USP40: variants seen among roughly 807,000 people sequenced by gnomAD.
USP40 encodes ubiquitin specific peptidase 40, also known as ubiquitin carboxyl-terminal hydrolase 40.
In USP40, 143 loss-of-function variants were observed where a neutral mutation model predicts 166.2. The ratio of observed to expected loss-of-function variants is 0.86; its 90% CI spans 0.75 to 0.99. The LOEUF (loss-of-function observed/expected upper bound fraction) is 0.99. Ranked by LOEUF, USP40 falls within the 50% of genes least tolerant of loss-of-function variation. The probability of loss-of-function intolerance (pLI) is 0.00; values close to 1 mark genes in which losing one functional copy is unlikely to be tolerated. For synonymous variants in USP40, 498 were observed against 524.0 expected, an observed-to-expected ratio of 0.95 and a Z score of 0.68; for missense variants, 1,444 against 1,479.7, an observed-to-expected ratio of 0.98 and a Z score of 0.40.
intron 18 of USP40, among the ~76,000 whole-genome samples, chr2:233,513,109 G>A (rs774757012): frequency 1.3e-5 from 2 of 152,114 alleles, no homozygotes; most frequent in Non-Finnish European, 2.9e-5. Flanking sequence ...ATAAAGAGTC[G>A]TTTAAGCAGG....
At chr2:233,527,734 C>G (rs2068142297) in intron 12 of USP40, among the ~76,000 whole-genome samples, 156 bp from the exon 13 acceptor site, 1 of 152,172 alleles carries the variant, frequency 6.6e-6, no homozygotes, top group South Asian at 2.1e-4. Flanking sequence ...TTTAATTTTT[C>G]AGTCAATAGC....
In USP40 at chr2:233,559,949, T is replaced by C. The variant is rs770794265; in HGVS notation, c.268-25A>G. 6 of 1,539,862 alleles carry C rather than the reference T, an allele frequency of 3.9e-6. No homozygotes were observed. The South Asian group carries it at 6.0e-5, about 15-fold the overall frequency. The stretch of plus-strand genomic sequence containing the variant: ...CCTGAATGAGAAACAAACACATTTC[T>C]AAATGAATTCTTTAAGTGTTGACTA... On this transcript the variant is annotated intron_variant, in intron 3 of 31. Coordinates refer to ENST00000678225, the MANE Select transcript of USP40 (RefSeq NM_001365479.2).
At chr2:233,498,174 C>T (rs2065856615) in intron 23 of USP40, among the ~76,000 whole-genome samples, 2 of 152,314 alleles carry the variant, frequency 1.3e-5, no homozygotes, top group African/African-American at 4.8e-5. Flanking sequence ...ATTCTGCCAC[C>T]ATTACCTTAC....
chr2:233,560,927 A>C (rs2071531617), intron 3 of USP40: 1 of 671,930 alleles, frequency 1.5e-6, no homozygotes, highest in Non-Finnish European at 2.7e-6. Flanking sequence ...TAAGCATAGT[A>C]AAGAGTGTTA....
chr2:233,518,369 C>G (rs1249358884), intron 18 of USP40, among the ~76,000 whole-genome samples: 2 of 150,138 alleles, frequency 1.3e-5, no homozygotes, highest in South Asian at 4.2e-4. Context: ...GAGTTTGAGA[C>G]CAGCCTGGCC....
Position 233,480,404 on chromosome 2 carries a change from G to A in USP40, c.3599+799C>T, listed in dbSNP as rs370513057. The stretch of plus-strand genomic sequence containing the variant: ...GAGGACGCCTGGGGGCCTCTGGTGA[G>A]GCCTGCATGGAGCTGATGCCACGGG... On this transcript the variant is annotated intron_variant, in intron 31 of 31. Coordinates refer to ENST00000678225, the MANE Select transcript of USP40 (RefSeq NM_001365479.2). The surrounding 1 kb of genome is among the most constrained non-coding windows in gnomAD (Gnocchi z 4.5). Among the ~76,000 whole-genome samples the A allele has an allele frequency of 6.6e-6, 1 of 152,242 alleles. No individual in the cohort carries two copies. Among genetic ancestry groups the A allele is most frequent in the East Asian group, 1.9e-4 (1 of 5,188 alleles).
chr2:233,519,586 G>C, intron 18 of USP40, 28 bp downstream of exon 18: 1 of 1,391,764 alleles, frequency 7.2e-7, no homozygotes, highest in Non-Finnish European at 9.9e-7. Flanking sequence ...GCTAAACTAA[G>C]AACCGAAAAG....
At chr2:233,477,695 T>TG (rs1353437235) in intron 31 of USP40, among the ~76,000 whole-genome samples, 192 bp from the exon 32 acceptor site, 4 of 152,254 alleles carry the variant, frequency 2.6e-5, no homozygotes. Flanking sequence ...CCAGGCCAGC[T>TG]GCCTTCCCCT....
Position 233,565,569 on chromosome 2 carries a change from C to T in USP40, c.-15G>A. ...TCCCCAAACATTGTGAAACTAAATA[C>T]TACCCTTAAAAAAAGTGACATATAA... On this transcript the variant is annotated 5_prime_UTR_variant, in exon 2 of 32. Transcript: ENST00000678225. 1 of 1,531,236 alleles carries T rather than the reference C, an allele frequency of 6.5e-7. No individual in the cohort carries two copies. The highest frequency in any genetic ancestry group is 8.7e-7 in the Non-Finnish European group (1 of 1,145,274). 94.9% of individuals were successfully genotyped at this position (1,531,236 alleles called of 1,614,324 possible).
At chr2:233,549,288 A>C (rs1039512339) in intron 7 of USP40, 59 bp from the exon 8 acceptor site, 1 of 1,079,538 alleles carries the variant, frequency 9.3e-7, no homozygotes, top group Non-Finnish European at 1.3e-6. Context: ...GATAATAATC[A>C]AAAGAAAAAA....
intron 18 of USP40, among the ~76,000 whole-genome samples, chr2:233,519,189 C>T (rs188469667): frequency 8.0e-4 from 122 of 152,244 alleles, no homozygotes; most frequent in Non-Finnish European, 1.6e-3. Flanking sequence ...TAGAACTCTA[C>T]ACATTTACTG....
intron 2 of USP40, 81 bp from the exon 3 acceptor site, chr2:233,562,884 T>G: frequency 9.4e-7 from 1 of 1,062,218 alleles, no homozygotes; most frequent in Non-Finnish European, 1.3e-6. Context: ...AGACCACCTT[T>G]AAGTAAAATC....
chr2:233,517,729 T>C (rs1427858393), intron 18 of USP40, among the ~76,000 whole-genome samples: 1 of 151,200 alleles, frequency 6.6e-6, no homozygotes, highest in Non-Finnish European at 1.5e-5. Context: ...AATTGCAAAA[T>C]CATGGAACCA....
At position 233,559,834 on chromosome 2, in the gene USP40, T is replaced by C; in HGVS notation, c.358A>G (p.Ser120Gly). Residue 120 changes from serine to glycine, a missense_variant, in exon 4 of 32, where the codon AGC (serine) becomes GGC (glycine). By Grantham distance (56) the Ser-to-Gly change is moderately conservative. Transcript: ENST00000678225. ...ACCTCATTACTGGTCCACCCAAAGC[T>C]GTCAGTGAGGTCTGCTGTGGATGCA... ...EAASTADLTD[S>G]FGWTSNEEMR... 1 of 1,609,568 alleles carries C rather than the reference T, an allele frequency of 6.2e-7. No individual in the cohort carries two copies. The highest frequency in any genetic ancestry group is 8.5e-7 in the Non-Finnish European group (1 of 1,178,036).
rs1481127567 is a variant in USP40 at position 233,485,541 on chromosome 2, A to G, written c.3494T>C (p.Ile1165Thr). 2 of 1,613,734 alleles carry G rather than the reference A, an allele frequency of 1.2e-6. No homozygotes were observed. Among genetic ancestry groups the G allele is most frequent in the African/African-American group, 1.3e-5 (1 of 75,046 alleles). ...TGTTAAACAACTTACCTTAACACCA[A>G]TAGTATCTCCGTCTTTCAAGTAATA... Reference protein sequence around the residue: ...APYYLKDGDTIGVKNLLIDDD... With the variant: ...APYYLKDGDTTGVKNLLIDDD... Residue 1165 changes from isoleucine to threonine, a missense_variant, in exon 30 of 32, where the codon ATT becomes ACT. Coordinates refer to ENST00000678225, the MANE Select transcript of USP40 (RefSeq NM_001365479.2).
At chr2:233,535,902 C>T (rs1057049056) in intron 10 of USP40, among the ~76,000 whole-genome samples, 1 of 151,920 alleles carries the variant, frequency 6.6e-6, no homozygotes, top group Non-Finnish European at 1.5e-5. Context: ...TAAACTTCAC[C>T]ACAAAAAATA....
At chr2:233,554,260 A>T in intron 6 of USP40, 120 bp downstream of exon 6, 1 of 1,049,444 alleles carries the variant, frequency 9.5e-7, no homozygotes, top group South Asian at 3.5e-5. Flanking sequence ...AATGATGTAA[A>T]TATCTTTTCA....
intron 23 of USP40, among the ~76,000 whole-genome samples, 198 bp downstream of exon 23, chr2:233,498,350 C>G (rs1026362020): frequency 6.6e-6 from 1 of 152,156 alleles, no homozygotes; most frequent in African/African-American, 2.4e-5. Flanking sequence ...CCACAGATGT[C>G]AGAAATGTTC....
intron 10 of USP40, among the ~76,000 whole-genome samples, chr2:233,538,953 CAGG>C (rs2125303389): frequency 6.6e-6 from 1 of 152,244 alleles, no homozygotes; most frequent in Non-Finnish European, 1.5e-5. Flanking sequence ...CACGTGGGCC[CAGG>C]AGGTCAAGGC....
Sources: gnomAD v4.1 joint callset for allele counts (sites outside exome capture counted in the v4.1 genomes callset) on GRCh38, gnomAD v4.1.1 for gene constraint, Gnocchi (gnomAD v3.1) non-coding constraint, MANE v1.5 for transcripts, NCBI Gene and HGNC (gene_info 2026-07-23, HGNC 2026-07-21) for gene names.